CPXM2: variants seen among roughly 807,000 people sequenced by gnomAD.
CPXM2 encodes the protein carboxypeptidase X, M14 family member 2, also known as inactive carboxypeptidase-like protein X2.
Under a neutral mutation model 86.1 loss-of-function variants are expected in CPXM2, and 66 were observed. The observed-to-expected ratio is 0.77, with a 90% confidence interval of 0.63 to 0.94. The LOEUF is 0.94. Among genes scored for constraint, CPXM2 ranks in the 40% least tolerant of loss-of-function variants. The pLI is 0.00. For synonymous variants in CPXM2, 388 were observed against 400.2 expected (o/e 0.97, Z 0.36); for missense variants, 948 against 1,026.3 (o/e 0.92, Z 1.04).
chr10:123,747,921 C>CAAAAAA (rs59206856), intron 13 of CPXM2, among the ~76,000 whole-genome samples: 17 of 72,028 alleles, frequency 2.4e-4, no homozygotes, highest in African/African-American at 3.5e-4. Context: ...GACTCTGTCT[C>CAAAAAA]AAAAAAAAAA....
chr10:123,862,540 T>G lies in CPXM2; in HGVS notation c.513+74A>C, dbSNP rs74162960. On this transcript the variant is annotated intron_variant, in intron 3 of 13. Coordinates refer to ENST00000241305, the MANE Select transcript of CPXM2 (RefSeq NM_198148.3). ...CTAATGCATTTTAAATCCTGCGCAT[T>G]GCCTGATCCAAGCTCAAGGAACCAG... 7,016 of 1,308,882 alleles carry G rather than the reference T, an allele frequency of 5.4e-3. 282 individuals carry two copies. The African/African-American group carries it at 0.088, about 16-fold the overall frequency. The allele number at this position is 1,308,882 out of a possible 1,614,324, so 81.1% of individuals were successfully genotyped here. A position where few individuals can be genotyped will look rare whatever the true frequency, so the allele number is the denominator to read the frequency against.
At chr10:123,923,180 T>G (rs1384129397) in intron 2 of CPXM2, among the ~76,000 whole-genome samples, 1 of 151,746 alleles carries the variant, frequency 6.6e-6, no homozygotes, top group African/African-American at 2.4e-5. Context: ...AAAGTTGATG[T>G]CGTGGAAAAG....
At chr10:123,880,582 C>T (rs564060178) in intron 1 of CPXM2, among the ~76,000 whole-genome samples, 1 of 152,218 alleles carries the variant, frequency 6.6e-6, no homozygotes, top group East Asian at 1.9e-4. Context: ...GTAATCCCAG[C>T]ACTTTGGGAG....
intron 2 of CPXM2, among the ~76,000 whole-genome samples, chr10:123,922,551 C>A (rs1331428841): frequency 6.6e-6 from 1 of 152,200 alleles, no homozygotes; most frequent in Non-Finnish European, 1.5e-5. Flanking sequence ...CAGCAGCCAA[C>A]CCAGCCAGCT....
At position 123,834,551 on chromosome 10, in the gene CPXM2, G is replaced by T. The variant is rs536304997; in HGVS notation, c.653+7798C>A. ...GAAATGGCAAAGTGCAAAGGCTCCAGGGCAGCAGCAGGCCTGGTGTGTTTG... is the reference window on the plus strand; with the variant it reads ...GAAATGGCAAAGTGCAAAGGCTCCATGGCAGCAGCAGGCCTGGTGTGTTTG... On this transcript the variant is annotated intron_variant, in intron 4 of 13. Coordinates refer to ENST00000241305, the MANE Select transcript of CPXM2 (RefSeq NM_198148.3). 4.5e-4 allele frequency among the ~76,000 whole-genome samples: 68 copies of T among 152,346 alleles called. 1 individual carries two copies. Among genetic ancestry groups the T allele is most frequent in the African/African-American group, 1.6e-3 (66 of 41,582 alleles).
Position 123,883,309 on chromosome 10 carries a change from G to A in CPXM2, c.305-3000C>T, listed in dbSNP as rs536155516. Among the ~76,000 whole-genome samples, 37 of 152,350 alleles carry A rather than the reference G, an allele frequency of 2.4e-4. No homozygotes were observed. The East Asian group carries it at 6.2e-3, about 25-fold the overall frequency. Reference sequence around the variant, plus strand: ...GCCCAGCACCTTCGCTGGGGAGGAGGCAGCTGGTGGTTGGAAGTGCAGGCC... The same window carrying A: ...GCCCAGCACCTTCGCTGGGGAGGAGACAGCTGGTGGTTGGAAGTGCAGGCC... On this transcript the variant is annotated intron_variant, in intron 1 of 13. Transcript: ENST00000241305.
At chr10:123,793,137 G>A (rs888500463) in intron 6 of CPXM2, among the ~76,000 whole-genome samples, 5 of 152,236 alleles carry the variant, frequency 3.3e-5, no homozygotes, top group African/African-American at 9.6e-5. Flanking sequence ...ACATCTGCAC[G>A]GGCTACCTGA....
In CPXM2 at chr10:123,842,367, C is replaced by T. The variant is rs1382458468; in HGVS notation, c.635G>A (p.Gly212Glu). 1.2e-6 allele frequency: 2 copies of T among 1,614,102 alleles called. No homozygotes were observed. The highest frequency in any genetic ancestry group is 1.7e-6 in the Non-Finnish European group (2 of 1,180,042). ...CACTCACAGCCAGAGGGAGTTCCTC[C>T]CTTGAGTGATGACACCAGTGAATCT... ...LTRFTGVITQ[G>E]RNSLWLSDWV... The change falls in exon 4 of 14, where the codon GGG becomes GAG. Residue 212 changes from glycine (G) to glutamate (E), a missense_variant. Coordinates refer to ENST00000241305, the MANE Select transcript of CPXM2 (RefSeq NM_198148.3).
chr10:123,914,574 C>T (rs760175836), intron 2 of CPXM2, among the ~76,000 whole-genome samples: 6 of 152,158 alleles, frequency 3.9e-5, no homozygotes, highest in Non-Finnish European at 7.4e-5. Context: ...TTCCCAGATT[C>T]GTTTTCCTGG....
chr10:123,864,823 G>A (rs555289378), intron 2 of CPXM2, among the ~76,000 whole-genome samples: 30 of 152,286 alleles, frequency 2.0e-4, no homozygotes, highest in Middle Eastern at 6.8e-3. Context: ...AAAAAAGGAA[G>A]TACCTGACTA....
intron 2 of CPXM2, among the ~76,000 whole-genome samples, chr10:123,899,569 C>T (rs953002787): frequency 1.3e-5 from 2 of 152,206 alleles, no homozygotes; most frequent in Non-Finnish European, 2.9e-5. Context: ...CTAACCCCAG[C>T]ACTTTGCGAG....
At chr10:123,941,517 A>T (rs2134296531), upstream of CPXM2, among the ~76,000 whole-genome samples, 1 of 152,344 alleles carries the variant, frequency 6.6e-6, no homozygotes, top group Middle Eastern at 3.4e-3. Context: ...AACTAATTAC[A>T]TCTGTTGTAA....
At chr10:123,836,614 T>C (rs2134143032) in intron 4 of CPXM2, among the ~76,000 whole-genome samples, 1 of 152,268 alleles carries the variant, frequency 6.6e-6, no homozygotes, top group African/African-American at 2.4e-5. Flanking sequence ...CTGTCCCTTA[T>C]CTCAATGCAG....
intron 2 of CPXM2, among the ~76,000 whole-genome samples, chr10:123,909,500 G>A (rs961123807): frequency 6.6e-6 from 1 of 152,194 alleles, no homozygotes; most frequent in African/African-American, 2.4e-5. Context: ...AGCCCGGCCA[G>A]GCGCTGCTTT....
chr10:123,933,106 C>T (rs113668612), intron 2 of CPXM2, among the ~76,000 whole-genome samples: 4 of 152,112 alleles, frequency 2.6e-5, no homozygotes, highest in African/African-American at 4.8e-5. Flanking sequence ...ACCTTGAATG[C>T]GATTTTGGAA....
intron 6 of CPXM2, among the ~76,000 whole-genome samples, chr10:123,787,388 CTT>C (rs935693267): frequency 6.7e-6 from 1 of 150,206 alleles, no homozygotes; most frequent in African/African-American, 2.4e-5. Flanking sequence ...CTACATGAGA[CTT>C]TTTTTTTTCT....
At chr10:123,870,141 C>T (rs1944867150) in intron 2 of CPXM2, among the ~76,000 whole-genome samples, 1 of 152,116 alleles carries the variant, frequency 6.6e-6, no homozygotes, top group Non-Finnish European at 1.5e-5. Flanking sequence ...AGATGGGCAT[C>T]GTCGCTCATC....
intron 4 of CPXM2, among the ~76,000 whole-genome samples, chr10:123,806,805 A>G (rs1305282808): frequency 1.3e-5 from 2 of 152,052 alleles, no homozygotes; most frequent in African/African-American, 2.4e-5. Context: ...ATGACAACTC[A>G]CTATCATGAG....
chr10:123,799,774 G>A (rs186670617), intron 4 of CPXM2, among the ~76,000 whole-genome samples: 1 of 152,226 alleles, frequency 6.6e-6, no homozygotes, highest in East Asian at 1.9e-4. Context: ...GTGATGGCTG[G>A]ACCCAAATAA....
Sources: allele counts gnomAD v4.1 joint callset (sites outside exome capture counted in the v4.1 genomes callset), GRCh38; gene constraint gnomAD v4.1.1; transcripts MANE v1.5; gene names NCBI Gene and HGNC (gene_info 2026-07-23, HGNC 2026-07-21).